Variants in PRRC2C observed in about 807,000 individuals in gnomAD.
The protein encoded by PRRC2C is protein PRRC2C.
PRRC2C carries 72 observed loss-of-function variants against 317.2 expected under a neutral mutation model. That is an observed-to-expected ratio of 0.23 (90% CI 0.19 to 0.28). The LOEUF (loss-of-function observed/expected upper bound fraction) is 0.28, where lower values mean the gene tolerates loss of function less well. PRRC2C is among the 10% of genes least tolerant of loss of function. The pLI is 1.00. For synonymous variants in PRRC2C, 1,296 were observed against 1,205.9 expected, an observed-to-expected ratio of 1.07 and a Z score of -1.55; for missense variants, 3,074 against 3,459.7, an observed-to-expected ratio of 0.89 and a Z score of 2.80.
chr1:171,527,368 G>A (rs574904654), intron 10 of PRRC2C, among the ~76,000 whole-genome samples: 44 of 140,426 alleles, frequency 3.1e-4, no homozygotes, highest in African/African-American at 1.1e-3. Flanking sequence ...CCTGACCTCA[G>A]GTGATCCGCC....
At chr1:171,567,774 C>T (rs987879716) in intron 22 of PRRC2C, among the ~76,000 whole-genome samples, 1 of 152,172 alleles carries the variant, frequency 6.6e-6, no homozygotes, top group African/African-American at 2.4e-5. Flanking sequence ...TCATTTTGAT[C>T]GTGAGTCCAT....
chr1:171,521,816 TTA>T (rs1673633107), intron 6 of PRRC2C, among the ~76,000 whole-genome samples: 1 of 152,208 alleles, frequency 6.6e-6, no homozygotes, highest in Non-Finnish European at 1.5e-5. Flanking sequence ...TTAATGTAAT[TTA>T]TATCTTGTTG....
intron 5 of PRRC2C, among the ~76,000 whole-genome samples, chr1:171,516,074 A>G (rs1017845685): frequency 1.3e-5 from 2 of 152,216 alleles, no homozygotes; most frequent in Admixed American, 6.5e-5. Flanking sequence ...CCTCGCATCC[A>G]ACTTACTAAA....
Position 171,589,410 on chromosome 1 carries a change from C to A in PRRC2C, c.8241C>A (p.Ala2747=), listed in dbSNP as rs1474800363. The A allele has an allele frequency of 7.8e-7, 1 of 1,289,482 alleles. No individual in the cohort carries two copies. Among genetic ancestry groups the A allele is most frequent in the Admixed American group, 2.3e-5 (1 of 43,544 alleles). The allele number at this position is 1,289,482 out of a possible 1,614,324, so 79.9% of individuals were successfully genotyped here. ...ACCTGGTCCCTCCATTGGTAAGAGC[C>A]CCACATACTAACACCTTCCCAGCGC... ...QPNLVPPLVR[A]PHTNTFPAPV... The change falls in exon 34 of 35, where the codon GCC becomes GCA. Residue 2747 remains alanine (A), a synonymous_variant. Coordinates refer to ENST00000647382, the MANE Select transcript of PRRC2C (RefSeq NM_001387844.1).
At chr1:171,545,837 A>G (rs1365576741) in intron 17 of PRRC2C, 150 bp downstream of exon 17, 2 of 430,684 alleles carry the variant, frequency 4.6e-6, no homozygotes, top group Non-Finnish European at 7.3e-6. Flanking sequence ...GTGGCTGATT[A>G]TGAAACACTA....
intron 32 of PRRC2C, among the ~76,000 whole-genome samples, chr1:171,587,960 A>G (rs1650430066): frequency 6.6e-6 from 1 of 152,112 alleles, no homozygotes; most frequent in Non-Finnish European, 1.5e-5. Context: ...CTTTTGTTAC[A>G]GAGCAAACCT....
At chr1:171,509,416 A>G (rs954829024) in intron 1 of PRRC2C, 3 of 152,196 alleles carry the variant, frequency 2.0e-5, no homozygotes, top group African/African-American at 7.2e-5. Flanking sequence ...TTTCCTAGAC[A>G]AGAGTTTAGA....
Position 171,545,625 on chromosome 1 carries a change from G to C in PRRC2C, c.4910G>C (p.Gly1637Ala), listed in dbSNP as rs200996310. Residue 1637 changes from glycine to alanine, a missense_variant, in exon 17 of 35, where the codon GGC becomes GCC. By Grantham distance (60) the Gly-to-Ala change is moderately conservative. Transcript: ENST00000647382. The stretch of plus-strand genomic sequence containing the variant: ...AAAAAAAGAGAAGACCCCAAACCAG[G>C]CCCTAAAAAACCAAAAGAGAAAGTG... The part of the protein sequence containing the change: ...TGKKREDPKP[G>A]PKKPKEKVDA... 1.2e-6 allele frequency: 2 copies of C among 1,612,702 alleles called. No homozygotes were observed. The highest frequency in any genetic ancestry group is 2.7e-5 in the African/African-American group (2 of 74,806).
At chr1:171,547,653 T>TG (rs1679397902) in intron 17 of PRRC2C, among the ~76,000 whole-genome samples, 3 of 148,536 alleles carry the variant, frequency 2.0e-5, no homozygotes. Flanking sequence ...TTTGTTTTTT[T>TG]TTTTTTTTGA....
chr1:171,546,566 G>C (rs1376447314), intron 17 of PRRC2C, among the ~76,000 whole-genome samples: 1 of 152,102 alleles, frequency 6.6e-6, no homozygotes, highest in African/African-American at 2.4e-5. Flanking sequence ...GCATTACCTG[G>C]AAATTTGTGA....
At chr1:171,497,991 T>TC (rs1668435348) in intron 1 of PRRC2C, among the ~76,000 whole-genome samples, 1 of 150,998 alleles carries the variant, frequency 6.6e-6, no homozygotes, top group African/African-American at 2.4e-5. Context: ...ATTTTTTTTT[T>TC]TTTTTTTTTT....
At chr1:171,489,269 A>C (rs1339855449) in intron 1 of PRRC2C, among the ~76,000 whole-genome samples, 1 of 152,232 alleles carries the variant, frequency 6.6e-6, no homozygotes, top group Non-Finnish European at 1.5e-5. Flanking sequence ...GTTTGTGTTA[A>C]ATAATATGCA....
At chr1:171,486,950 C>T (rs544464574) in intron 1 of PRRC2C, among the ~76,000 whole-genome samples, 2 of 152,308 alleles carry the variant, frequency 1.3e-5, no homozygotes, top group East Asian at 3.9e-4. Flanking sequence ...TTTTCTGGCT[C>T]ACCCCAAATG....
rs1486237238 is a variant in PRRC2C at position 171,591,879 on chromosome 1, G to A, written c.*32G>A. On this transcript the variant is annotated 3_prime_UTR_variant, in exon 35 of 35. Coordinates refer to ENST00000647382, the MANE Select transcript of PRRC2C (RefSeq NM_001387844.1). Reference sequence around the variant, plus strand: ...TGGTTTATTGCAGGGGATTGGGAGGGGGGCGGGAAAACATGGAGAATTAAG... The same window carrying A: ...TGGTTTATTGCAGGGGATTGGGAGGAGGGCGGGAAAACATGGAGAATTAAG... 1.5e-5 allele frequency: 9 copies of A among 592,004 alleles called. No individual in the cohort carries two copies. The highest frequency in any genetic ancestry group is 2.6e-5 in the Non-Finnish European group (9 of 345,166). The allele number at this position is 592,004 out of a possible 1,614,324, so 36.7% of individuals were successfully genotyped here.
rs557880951 is a variant in PRRC2C, at chr1:171,516,691, G to A, written c.526+832G>A. On this transcript the variant is annotated intron_variant, in intron 5 of 34. Coordinates refer to ENST00000647382, the MANE Select transcript of PRRC2C (RefSeq NM_001387844.1). ...ACTGTATCTGAAGGTCAGGAATCCA[G>A]GGTCAGCTTAGTTTGAGGTTCTGGC... 8.5e-5 allele frequency among the ~76,000 whole-genome samples: 13 copies of A among 152,288 alleles called. No homozygotes were observed. The South Asian group carries it at 1.2e-3, about 15-fold the overall frequency.
chr1:171,577,872 G>T (rs1273953343), intron 26 of PRRC2C, among the ~76,000 whole-genome samples: 1 of 143,456 alleles, frequency 7.0e-6, no homozygotes, highest in East Asian at 2.0e-4. Flanking sequence ...CCACCTCCCA[G>T]GTTCAAGTGA....
In PRRC2C at chr1:171,541,755, C is replaced by T. The variant is rs1233067495; in HGVS notation, c.4289C>T (p.Pro1430Leu). 1.9e-6 allele frequency: 3 copies of T among 1,613,816 alleles called. No individual in the cohort carries two copies. The highest frequency in any genetic ancestry group is 2.2e-5 in the East Asian group (1 of 44,884). Residue 1430 changes from proline to leucine, a missense_variant, in exon 16 of 35, where the codon CCA becomes CTA. Pro to Leu is a moderately conservative substitution (Grantham distance 98). This residue lies in a region of PRRC2C where 1,320 missense variants were observed against 1,395.7 expected (regional missense o/e 0.95). Coordinates refer to ENST00000647382, the MANE Select transcript of PRRC2C (RefSeq NM_001387844.1). This position sits in a 1 kb window ranked among gnomAD's most constrained non-coding sequence, Gnocchi z 4.1. ...ERPRRQRPTR[P>L]PRQDKPPRFR... ...CCTCGAAGGCAGCGTCCTACTCGAC[C>T]ACCAAGGCAAGACAAGCCACCTCGA... is the stretch of plus-strand genomic sequence containing the variant.
chr1:171,532,998 A>T (rs370380495), intron 12 of PRRC2C, 37 bp downstream of exon 12: 1,317 of 1,491,572 alleles, frequency 8.8e-4, no homozygotes, highest in Non-Finnish European at 1.1e-3. Context: ...TAAAAACTTT[A>T]CAAAGAGCTT....
At chr1:171,494,895 C>T (rs1176595918) in intron 1 of PRRC2C, among the ~76,000 whole-genome samples, 2 of 152,010 alleles carry the variant, frequency 1.3e-5, no homozygotes, top group Non-Finnish European at 2.9e-5. Context: ...GATATCCAAG[C>T]TTATTTTCTA....
Sources: allele counts gnomAD v4.1 joint callset (sites outside exome capture counted in the v4.1 genomes callset), GRCh38; gene constraint gnomAD v4.1.1; regional missense constraint gnomAD v4.1.1; non-coding constraint Gnocchi (gnomAD v3.1); transcripts MANE v1.5; gene names NCBI Gene and HGNC (gene_info 2026-07-23, HGNC 2026-07-21).